Variants in CCDC159 observed in about 807,000 individuals in gnomAD.
CCDC159 encodes the protein coiled-coil domain-containing protein 159.
A neutral mutation model predicts 50.9 loss-of-function variants in CCDC159; 40 were observed. The observed-to-expected ratio is 0.79, with a 90% CI of 0.61 to 1.02. CCDC159 has a LOEUF of 1.02. Among genes scored for constraint, CCDC159 ranks in the 50% least tolerant of loss-of-function variants. CCDC159 has a pLI of 0.00. For synonymous variants in CCDC159, 146 were observed against 138.9 expected, an observed-to-expected ratio of 1.05 and a Z score of -0.36; for missense variants, 356 against 371.5, an observed-to-expected ratio of 0.96 and a Z score of 0.34.
chr19:11,353,661 C>T, intron 8 of CCDC159, 89 bp downstream of exon 8: 1 of 1,586,382 alleles, frequency 6.3e-7, no homozygotes, highest in Non-Finnish European at 8.6e-7. Context: ...AACCTGGAGC[C>T]CACCTGAGTC....
intron 9 of CCDC159, among the ~76,000 whole-genome samples, 169 bp from the exon 10 acceptor site, chr19:11,354,411 G>T (rs924314681): frequency 1.3e-5 from 2 of 152,096 alleles, no homozygotes; most frequent in Non-Finnish European, 2.9e-5. Flanking sequence ...GTGTCAATTG[G>T]GTAAAATGCA....
chr19:11,347,026 G>T (rs191344568), intron 1 of CCDC159, among the ~76,000 whole-genome samples: 56 of 152,184 alleles, frequency 3.7e-4, no homozygotes, highest in Middle Eastern at 3.4e-3. Flanking sequence ...TCAGTAACGC[G>T]ACCAGTATTA....
rs1490646470 is a variant in CCDC159, at chr19:11,354,943, T to C, written c.*66T>C. On this transcript the variant is annotated 3_prime_UTR_variant, in exon 11 of 11. Coordinates refer to ENST00000458408, the MANE Select transcript of CCDC159 (RefSeq NM_001080503.3). Reference sequence around the variant, plus strand: ...AAATAAACTAGCCCAGACCCTCCTCTAGCCCCGACTGTTAGTCTTGCTGCT... The same window carrying C: ...AAATAAACTAGCCCAGACCCTCCTCCAGCCCCGACTGTTAGTCTTGCTGCT... 6.5e-6 allele frequency: 10 copies of C among 1,528,778 alleles called. No individual in the cohort carries two copies. Among genetic ancestry groups the C allele is most frequent in the Non-Finnish European group, 3.6e-6 (4 of 1,102,912 alleles). 94.7% of individuals were successfully genotyped at this position (1,528,778 alleles called of 1,614,324 possible). A position where few individuals can be genotyped will look rare whatever the true frequency, so the allele number is the denominator to read the frequency against.
chr19:11,354,902 G>T lies in CCDC159; in HGVS notation c.*25G>T, dbSNP rs1194194503. ...AGCAGCCGGGACTGCTCTCCCTGAA[G>T]ACCCCTCCAGAGAGAAAATAAACTA... is the stretch of plus-strand genomic sequence containing the variant. On this transcript the variant is annotated 3_prime_UTR_variant, in exon 11 of 11. Coordinates refer to ENST00000458408, the MANE Select transcript of CCDC159 (RefSeq NM_001080503.3). The T allele has an allele frequency of 1.2e-6, 2 of 1,613,052 alleles. No homozygotes were observed. Among genetic ancestry groups the T allele is most frequent in the Non-Finnish European group, 1.7e-6 (2 of 1,179,464 alleles).
intron 1 of CCDC159, 105 bp downstream of exon 1, chr19:11,346,732 G>A: frequency 7.5e-7 from 1 of 1,342,066 alleles, no homozygotes; most frequent in Non-Finnish European, 1.0e-6. Flanking sequence ...ATTCTCCCGG[G>A]AGGGACACGG....
At chr19:11,354,435 T>G in intron 9 of CCDC159, 145 bp from the exon 10 acceptor site, 1 of 734,358 alleles carries the variant, frequency 1.4e-6, no homozygotes, top group Non-Finnish European at 2.2e-6. Flanking sequence ...GTCATTGAAG[T>G]CATAATTTGG....
chr19:11,348,509 G>A lies in CCDC159; in HGVS notation c.22-1145G>A, dbSNP rs565930878. On this transcript the variant is annotated intron_variant, in intron 1 of 10. Transcript: ENST00000458408. Reference sequence around the variant, plus strand: ...TCACCATATTGGCCACGCTGGTCTCGAACTCCTGACCTCAAGTGATCCTCC... The same window carrying A: ...TCACCATATTGGCCACGCTGGTCTCAAACTCCTGACCTCAAGTGATCCTCC... Among the ~76,000 whole-genome samples, 8 of 152,270 alleles carry A rather than the reference G, an allele frequency of 5.3e-5. No individual in the cohort carries two copies. In the South Asian group the frequency reaches 1.0e-3, roughly 20 times the overall value.
At chr19:11,349,532 C>A in intron 1 of CCDC159, 122 bp from the exon 2 acceptor site, 1 of 1,297,550 alleles carries the variant, frequency 7.7e-7, no homozygotes, top group Non-Finnish European at 1.1e-6. Context: ...CCTGCACTTA[C>A]GGTTTGGGAC....
intron 7 of CCDC159, 39 bp from the exon 8 acceptor site, chr19:11,353,412 T>C: frequency 6.5e-7 from 1 of 1,536,488 alleles, no homozygotes; most frequent in South Asian, 1.2e-5. Flanking sequence ...ATTGTCATTA[T>C]TATTATGACT....
chr19:11,349,966 C>G lies in CCDC159; in HGVS notation c.84C>G (p.Ser28=). ...AGACCATTGTGATGATTCCCGACTCCCAGAAGCTCCTGCGATGTGAACTTG... is the reference window on the plus strand; with the variant it reads ...AGACCATTGTGATGATTCCCGACTCGCAGAAGCTCCTGCGATGTGAACTTG... ...KAKTIVMIPD[S]QKLLRCELES... is the part of the protein sequence containing the mutation. Residue 28 remains serine (S), a synonymous_variant, in exon 3 of 11, where the codon TCC becomes TCG. Transcript: ENST00000458408. 1.9e-6 allele frequency: 3 copies of G among 1,613,890 alleles called. No individual in the cohort carries two copies. The highest frequency in any genetic ancestry group is 2.5e-6 in the Non-Finnish European group (3 of 1,179,860).
At chr19:11,351,684 T>G in intron 5 of CCDC159, 1 of 447,674 alleles carries the variant, frequency 2.2e-6, no homozygotes. Context: ...GGCCAGGTGA[T>G]AGGAGGCTGA....
At position 11,352,119 on chromosome 19, in the gene CCDC159, G is replaced by C; in HGVS notation, c.553G>C (p.Val185Leu). Residue 185 changes from valine to leucine, a missense_variant, in exon 7 of 11, where the codon GTG (valine) becomes CTG (leucine). Physicochemically the swap from Val to Leu is conservative, Grantham distance 32. Coordinates refer to ENST00000458408, the MANE Select transcript of CCDC159 (RefSeq NM_001080503.3). ...CATTCAGAAAATGCAGAAAACGCAG[G>C]TGAAATGCCGCAAAGTGAGTGGAGG... ...VNIQKMQKTQVKCRKILTKMK... is the reference protein window; with the variant it reads ...VNIQKMQKTQLKCRKILTKMK... 2 of 1,613,628 alleles carry C rather than the reference G, an allele frequency of 1.2e-6. No individual in the cohort carries two copies. Among genetic ancestry groups the C allele is most frequent in the Non-Finnish European group, 8.5e-7 (1 of 1,179,838 alleles).
intron 1 of CCDC159, among the ~76,000 whole-genome samples, chr19:11,348,357 C>T (rs1355967239): frequency 1.3e-5 from 2 of 152,272 alleles, no homozygotes; most frequent in African/African-American, 4.8e-5. Context: ...GGTGCAATCT[C>T]GGCTCACTGC....
rs770820843 is a variant in CCDC159, at chr19:11,353,782, C to T, written c.690-10C>T. The T allele has an allele frequency of 5.0e-6, 8 of 1,589,508 alleles. No individual in the cohort carries two copies. In the South Asian group the frequency reaches 9.2e-5, roughly 18 times the overall value. ...TCTCCCAGCGCCCCCAGCTCCTTGT[C>T]TTCTTGCAGGTCTGCTGTGCACGTG... On this transcript the variant is annotated splice_polypyrimidine_tract_variant and intron_variant, in intron 8 of 10. Transcript: ENST00000458408.
intron 1 of CCDC159, chr19:11,349,052 G>T: frequency 7.4e-7 from 1 of 1,342,456 alleles, no homozygotes; most frequent in South Asian, 1.2e-5. Context: ...TGCTTCTGGG[G>T]ACACAGTGAG....
At position 11,349,988 on chromosome 19, in the gene CCDC159, C is replaced by A. The variant is rs1461329115; in HGVS notation, c.106C>A (p.Leu36Ile). Residue 36 changes from leucine to isoleucine, a missense_variant, in exon 3 of 11, where the codon CTT (leucine) becomes ATT (isoleucine). Physicochemically the swap from Leu to Ile is conservative, Grantham distance 5 (BLOSUM62 2). Coordinates refer to ENST00000458408, the MANE Select transcript of CCDC159 (RefSeq NM_001080503.3). ...PDSQKLLRCE[L>I]ESLKSQLQAQ... ...CTCCCAGAAGCTCCTGCGATGTGAA[C>A]TTGAGTCACTCAAGAGCCAGTTACA... 6.2e-7 allele frequency: 1 copy of A among 1,613,896 alleles called. No homozygotes were observed. The highest frequency in any genetic ancestry group is 8.5e-7 in the Non-Finnish European group (1 of 1,179,854).
At chr19:11,349,185 A>ACG in intron 1 of CCDC159, 1 of 1,342,946 alleles carries the variant, frequency 7.4e-7, no homozygotes, top group Non-Finnish European at 9.9e-7. Flanking sequence ...AGGCATCACA[A>ACG]CGTAGCTAAG....
intron 1 of CCDC159, among the ~76,000 whole-genome samples, chr19:11,347,077 A>T (rs1967279923): frequency 6.6e-6 from 1 of 152,044 alleles, no homozygotes. Context: ...AACCCAGGCC[A>T]TCTAGCTGGA....
chr19:11,349,755 C>T (rs1967467846), intron 2 of CCDC159, 68 bp downstream of exon 2: 1 of 1,347,692 alleles, frequency 7.4e-7, no homozygotes, highest in Non-Finnish European at 1.1e-6. Context: ...TACCCTCTGC[C>T]CCAGCATCAG....
Sources: allele counts gnomAD v4.1 joint callset (sites outside exome capture counted in the v4.1 genomes callset), GRCh38; gene constraint gnomAD v4.1.1; transcripts MANE v1.5; gene names NCBI Gene and HGNC (gene_info 2026-07-23, HGNC 2026-07-21).